Variants in LDLRAD4 observed in about 807,000 individuals in gnomAD.
The protein encoded by LDLRAD4 is low-density lipoprotein receptor class A domain-containing protein 4.
A neutral mutation model predicts 17.0 loss-of-function variants in LDLRAD4; 5 were observed. The ratio of observed to expected loss-of-function variants is 0.29; its 90% CI spans 0.15 to 0.62. LDLRAD4 has a LOEUF of 0.62. Ranked by LOEUF, LDLRAD4 falls within the 20% of genes least tolerant of loss-of-function variation. LDLRAD4 has a pLI of 0.84. For missense variants in LDLRAD4, 340 were observed against 424.7 expected (o/e 0.80, Z 1.75); for synonymous variants, 168 against 171.8 (o/e 0.98, Z 0.17).
chr18:13,547,365 C>G (rs1347112329), intron 3 of LDLRAD4, among the ~76,000 whole-genome samples: 1 of 152,230 alleles, frequency 6.6e-6, no homozygotes, highest in Non-Finnish European at 1.5e-5. Flanking sequence ...CCACCAGTGT[C>G]TAACTTTGTG....
At chr18:13,272,330 T>G (rs986565110) in intron 1 of LDLRAD4, among the ~76,000 whole-genome samples, 1 of 152,240 alleles carries the variant, frequency 6.6e-6, no homozygotes, top group Admixed American at 6.5e-5. Flanking sequence ...ACACTTGAAC[T>G]GTGCCCCAGC....
chr18:13,532,379 G>A (rs1317452296), intron 3 of LDLRAD4, among the ~76,000 whole-genome samples: 1 of 152,192 alleles, frequency 6.6e-6, no homozygotes, highest in Non-Finnish European at 1.5e-5. Flanking sequence ...TTAAACTGAT[G>A]CTTATAAAGT....
chr18:13,540,077 G>A (rs2147931358), intron 3 of LDLRAD4, among the ~76,000 whole-genome samples: 1 of 152,332 alleles, frequency 6.6e-6, no homozygotes, highest in South Asian at 2.1e-4. Flanking sequence ...AGGGAAATGA[G>A]GAAAGTCCAC....
intron 3 of LDLRAD4, among the ~76,000 whole-genome samples, chr18:13,504,196 CAG>C (rs1352341018): frequency 1.3e-5 from 2 of 152,206 alleles, no homozygotes; most frequent in African/African-American, 4.8e-5. Flanking sequence ...CTCTCAAAAA[CAG>C]AGACTTGGAC....
At chr18:13,600,708 G>A (rs1334202444) in intron 3 of LDLRAD4, among the ~76,000 whole-genome samples, 1 of 152,158 alleles carries the variant, frequency 6.6e-6, no homozygotes, top group African/African-American at 2.4e-5. Flanking sequence ...TGATAGACTG[G>A]TTTGGAAAAT....
At chr18:13,476,573 A>G (rs748513155) in intron 3 of LDLRAD4, among the ~76,000 whole-genome samples, 1 of 151,466 alleles carries the variant, frequency 6.6e-6, no homozygotes, top group Admixed American at 6.6e-5. Context: ...GCAGTGAGCT[A>G]TGATTACACC....
Position 13,300,169 on chromosome 18 carries a change from T to A in LDLRAD4, c.-383+21981T>A, listed in dbSNP as rs2046506793. Among the ~76,000 whole-genome samples the A allele has an allele frequency of 6.6e-6, 1 of 152,196 alleles. No homozygotes were observed. On this transcript the variant is annotated intron_variant, in intron 1 of 5. Transcript: ENST00000359446. The surrounding 1 kb of genome is among the most constrained non-coding windows in gnomAD (Gnocchi z 4.2). Reference sequence around the variant, plus strand: ...CAGCCTGGCTTCCGGTTCCTGCTTGTCTCTGGAGAGCCGTGGTTCCAGGGC... The same window carrying A: ...CAGCCTGGCTTCCGGTTCCTGCTTGACTCTGGAGAGCCGTGGTTCCAGGGC...
At chr18:13,245,242 C>T (rs2042898653) in intron 1 of LDLRAD4, among the ~76,000 whole-genome samples, 1 of 152,126 alleles carries the variant, frequency 6.6e-6, no homozygotes, top group African/African-American at 2.4e-5. Context: ...GACTTCATCC[C>T]AGCCCCTCTA....
At chr18:13,556,019 G>A (rs1271065381) in intron 3 of LDLRAD4, among the ~76,000 whole-genome samples, 1 of 152,050 alleles carries the variant, frequency 6.6e-6, no homozygotes, top group Non-Finnish European at 1.5e-5. Flanking sequence ...TGGTAGTTTT[G>A]GAATGCATTC....
upstream of LDLRAD4, among the ~76,000 whole-genome samples, chr18:13,277,150 T>G (rs1028538082): frequency 6.6e-6 from 1 of 152,158 alleles, no homozygotes; most frequent in Non-Finnish European, 1.5e-5. Context: ...CCGTGTTTTA[T>G]CCGGCTGTCT....
chr18:13,262,158 G>GTGTGGAAACTGAGTCC (rs2145962413), intron 1 of LDLRAD4, among the ~76,000 whole-genome samples: 2 of 138,346 alleles, frequency 1.4e-5, no homozygotes, highest in South Asian at 2.4e-4. Context: ...GCGGCTCTGT[G>GTGTGGAAACTGAGTCC]CGTGGGGGCT....
chr18:13,221,808 C>T (rs1255370505), intron 1 of LDLRAD4, among the ~76,000 whole-genome samples: 1 of 152,140 alleles, frequency 6.6e-6, no homozygotes. Flanking sequence ...ACTTTTCTTT[C>T]CACCAAGCTT....
At chr18:13,603,618 A>G (rs1320547596) in intron 3 of LDLRAD4, among the ~76,000 whole-genome samples, 2 of 152,248 alleles carry the variant, frequency 1.3e-5, no homozygotes, top group African/African-American at 4.8e-5. Flanking sequence ...TGAATGAGTT[A>G]GAGTGCCCTG....
chr18:13,438,929 G>A (rs919408684), intron 3 of LDLRAD4, among the ~76,000 whole-genome samples: 1 of 152,190 alleles, frequency 6.6e-6, no homozygotes, highest in African/African-American at 2.4e-5. Context: ...TTTGAAGTTC[G>A]TTGGTTTTCG....
intron 1 of LDLRAD4, among the ~76,000 whole-genome samples, chr18:13,326,913 G>C (rs1228060054): frequency 6.6e-6 from 1 of 152,122 alleles, no homozygotes; most frequent in African/African-American, 2.4e-5. Flanking sequence ...CCTTTACATG[G>C]TTAAATGAGA....
chr18:13,515,422 CTAGAT>C (rs934109111), intron 3 of LDLRAD4: 2 of 152,182 alleles, frequency 1.3e-5, no homozygotes, highest in African/African-American at 2.4e-5. Flanking sequence ...CCAGGTTGTC[CTAGAT>C]GGCTTATGGT....
chr18:13,308,480 A>G (rs2047042362), intron 1 of LDLRAD4, among the ~76,000 whole-genome samples: 1 of 152,348 alleles, frequency 6.6e-6, no homozygotes, highest in South Asian at 2.1e-4. Context: ...TTTGGTTGAC[A>G]TCACCAAGTC....
intron 1 of LDLRAD4, among the ~76,000 whole-genome samples, chr18:13,357,375 C>A (rs1247866073): frequency 6.6e-6 from 1 of 150,884 alleles, no homozygotes; most frequent in Admixed American, 6.6e-5. Flanking sequence ...ACCCAGTTTG[C>A]TTGAAATTTA....
chr18:13,336,733 T>A (rs1350151538), intron 1 of LDLRAD4, among the ~76,000 whole-genome samples: 2 of 152,140 alleles, frequency 1.3e-5, no homozygotes, highest in Admixed American at 1.3e-4. Flanking sequence ...TTTTTCTCAC[T>A]ATTTTTTCCT....
Sources: gnomAD v4.1 joint callset for allele counts (sites outside exome capture counted in the v4.1 genomes callset) on GRCh38, gnomAD v4.1.1 for gene constraint, Gnocchi (gnomAD v3.1) non-coding constraint, MANE v1.5 for transcripts, NCBI Gene and HGNC (gene_info 2026-07-23, HGNC 2026-07-21) for gene names.